AMN: variants seen among roughly 807,000 people sequenced by gnomAD.
AMN encodes protein amnionless.
In AMN, 40 loss-of-function variants were observed where a neutral mutation model predicts 49.1. That is an observed-to-expected ratio of 0.81 (90% CI 0.63 to 1.06). The LOEUF (loss-of-function observed/expected upper bound fraction) is 1.06. Among genes scored for constraint, AMN ranks in the 50% least tolerant of loss-of-function variants. The pLI, the probability that AMN is intolerant of heterozygous loss-of-function variation, is 0.00. For missense variants in AMN, 701 were observed against 662.8 expected (o/e 1.06, Z -0.63); for synonymous variants, 380 against 313.3 (o/e 1.21, Z -2.25).
chr14:102,929,482 C>G lies in AMN; in HGVS notation c.706C>G (p.Gln236Glu). 2.0e-6 allele frequency: 3 copies of G among 1,532,144 alleles called. No homozygotes were observed. Among genetic ancestry groups the G allele is most frequent in the South Asian group, 1.2e-5 (1 of 83,836 alleles). 94.9% of individuals were successfully genotyped at this position (1,532,144 alleles called of 1,614,324 possible). A position where few individuals can be genotyped will look rare whatever the true frequency, so the allele number is the denominator to read the frequency against. ...LLQPLGGRCP[Q>E]AACHSALRPQ... ...CCAGCCCCTGGGCGGCCGCTGCCCC[C>G]AGGCCGCCTGCCACAGCGCCCTCCG... Residue 236 changes from glutamine to glutamate, a missense_variant, in exon 7 of 12, where the codon CAG becomes GAG. Coordinates refer to ENST00000299155, the MANE Select transcript of AMN (RefSeq NM_030943.4).
chr14:102,929,396 C>A (rs1268669782), intron 6 of AMN, 32 bp from the exon 7 acceptor site: 2 of 1,526,802 alleles, frequency 1.3e-6, no homozygotes, highest in South Asian at 1.2e-5. Context: ...TCCGCTCTGG[C>A]CCTCCGCGCT....
chr14:102,923,632 A>G, intron 1 of AMN, 79 bp from the exon 2 acceptor site: 1 of 1,293,912 alleles, frequency 7.7e-7, no homozygotes, highest in South Asian at 1.2e-5. Flanking sequence ...GACCTTCCGC[A>G]CTTCTCTGGG....
chr14:102,929,406 T>C lies in AMN; in HGVS notation c.652-22T>C, dbSNP rs1447538355. 2.6e-6 allele frequency: 4 copies of C among 1,528,578 alleles called. No individual in the cohort carries two copies. The African/African-American group carries it at 5.5e-5, about 21-fold the overall frequency. 94.7% of individuals were successfully genotyped at this position (1,528,578 alleles called of 1,614,324 possible). A position where few individuals can be genotyped will look rare whatever the true frequency, so the allele number is the denominator to read the frequency against. On this transcript the variant is annotated intron_variant, in intron 6 of 11. Transcript: ENST00000299155. Reference sequence around the variant, plus strand: ...TGCGGTCCGCTCTGGCCCTCCGCGCTGACCACCGCCCCTCGCACCAGGCGC... The same window carrying C: ...TGCGGTCCGCTCTGGCCCTCCGCGCCGACCACCGCCCCTCGCACCAGGCGC...
In AMN at chr14:102,923,800, G is replaced by C; in HGVS notation, c.133G>C (p.Gly45Arg). 1 of 1,612,682 alleles carries C rather than the reference G, an allele frequency of 6.2e-7. No homozygotes were observed. The highest frequency in any genetic ancestry group is 8.5e-7 in the Non-Finnish European group (1 of 1,179,836). The part of the protein sequence containing the change: ...NWSQNRTPCA[G>R]GAVEFPADKM... Reference sequence around the variant, plus strand: ...GAGCCAGAACCGGACCCCGTGCGCCGGCGGCGCCGTTGAGTTCCCGGCGGA... The same window carrying C: ...GAGCCAGAACCGGACCCCGTGCGCCCGCGGCGCCGTTGAGTTCCCGGCGGA... The change falls in exon 2 of 12, where the codon GGC becomes CGC. Residue 45 changes from glycine (G) to arginine (R), a missense_variant. By Grantham distance (125) the Gly-to-Arg change is moderately radical. Transcript: ENST00000299155.
In AMN at chr14:102,930,274, G is replaced by C; in HGVS notation, c.1116G>C (p.Ala372=). Residue 372 remains alanine (A), a synonymous_variant, in exon 10 of 12, where the codon GCG becomes GCC. Coordinates refer to ENST00000299155, the MANE Select transcript of AMN (RefSeq NM_030943.4). ...AGGVAAAVLL[A]LLVLLVAPPL... is the part of the protein sequence containing the mutation. The stretch of plus-strand genomic sequence containing the variant: ...GCGTGGCGGCTGCCGTGCTGCTGGC[G>C]CTGCTGGTCCTGCTGGTGGCGCCGC... The C allele has an allele frequency of 1.4e-6, 2 of 1,381,938 alleles. No homozygotes were observed. The highest frequency in any genetic ancestry group is 1.9e-6 in the Non-Finnish European group (2 of 1,071,696). The allele number at this position is 1,381,938 out of a possible 1,614,324, so 85.6% of individuals were successfully genotyped here.
intron 10 of AMN, 35 bp from the exon 11 acceptor site, chr14:102,930,371 G>A: frequency 6.7e-7 from 1 of 1,482,668 alleles, no homozygotes; most frequent in East Asian, 2.7e-5. Context: ...GGGTTGCTCC[G>A]AGGGGCTCAC....
At chr14:102,923,571 G>C (rs1337872607) in intron 1 of AMN, 140 bp from the exon 2 acceptor site, 1 of 816,554 alleles carries the variant, frequency 1.2e-6, no homozygotes, top group Non-Finnish European at 2.1e-6. Flanking sequence ...CCAGGGTCTG[G>C]GTCCGGGCCC....
chr14:102,927,280 C>T (rs559092414), intron 3 of AMN, among the ~76,000 whole-genome samples: 27 of 152,318 alleles, frequency 1.8e-4, no homozygotes, highest in South Asian at 1.0e-3. Context: ...GAGATGGAGT[C>T]TCACTATGTT....
intron 3 of AMN, among the ~76,000 whole-genome samples, chr14:102,925,349 G>A (rs1891161574): frequency 6.6e-6 from 1 of 152,204 alleles, no homozygotes; most frequent in African/African-American, 2.4e-5. Context: ...CCACCCCAGG[G>A]CCGCTTGGTT....
chr14:102,927,637 C>A (rs1003572232), intron 3 of AMN, among the ~76,000 whole-genome samples: 1 of 152,160 alleles, frequency 6.6e-6, no homozygotes, highest in Non-Finnish European at 1.5e-5. Context: ...GGTGGGCGCG[C>A]CCTGCTGTGC....
rs573049315 is a variant in AMN, at chr14:102,925,624, C to T, written c.207+1645C>T. Among the ~76,000 whole-genome samples, 8 of 152,286 alleles carry T rather than the reference C, an allele frequency of 5.3e-5. No homozygotes were observed. In the South Asian group the frequency reaches 6.2e-4, roughly 12 times the overall value. On this transcript the variant is annotated intron_variant, in intron 3 of 11. Transcript: ENST00000299155. ...GCTGGGGGTTCCAGGGCATGGATTT[C>T]CCCCTACTCCCCTCCCCTGCCGGCC...
chr14:102,922,804 G>A, intron 1 of AMN, 73 bp downstream of exon 1: 2 of 1,523,876 alleles, frequency 1.3e-6, no homozygotes, highest in Non-Finnish European at 1.8e-6. Context: ...GGTCGCTCTA[G>A]GCCTGGAGGG....
chr14:102,929,334 C>T (rs1335037713), intron 6 of AMN, 76 bp downstream of exon 6: 23 of 1,487,938 alleles, frequency 1.5e-5, no homozygotes, highest in Non-Finnish European at 1.8e-6. Flanking sequence ...CGCTGCGCTC[C>T]CACGGTCTCT....
intron 3 of AMN, among the ~76,000 whole-genome samples, chr14:102,926,926 C>T (rs1284224487): frequency 6.6e-6 from 1 of 151,564 alleles, no homozygotes; most frequent in African/African-American, 2.4e-5. Context: ...GGGTCTCACT[C>T]TGTTGCCCAG....
chr14:102,924,350 C>A (rs1430494326), intron 3 of AMN, among the ~76,000 whole-genome samples: 1 of 151,868 alleles, frequency 6.6e-6, no homozygotes, highest in Admixed American at 6.6e-5. Flanking sequence ...CCCCAACACC[C>A]CCCCCTCTAC....
At chr14:102,930,534 G>C (rs2139313799) in intron 11 of AMN, 41 bp downstream of exon 11, 2 of 1,545,400 alleles carry the variant, frequency 1.3e-6, no homozygotes, top group Non-Finnish European at 1.7e-6. Flanking sequence ...CCTCGGGGCC[G>C]GGACTCGGCG....
intron 6 of AMN, 42 bp downstream of exon 6, chr14:102,929,300 T>A: frequency 1.4e-6 from 2 of 1,445,658 alleles, no homozygotes; most frequent in Non-Finnish European, 1.8e-6. Context: ...CGCGCGAGGG[T>A]CGGGACTGTG....
At chr14:102,927,996 TCCCCAGGAG>T (rs962614874) in intron 3 of AMN, among the ~76,000 whole-genome samples, 1 of 151,964 alleles carries the variant, frequency 6.6e-6, no homozygotes, top group African/African-American at 2.4e-5. Flanking sequence ...GGCCTCAGAC[TCCCCAGGAG>T]CCGGGCAACT....
intron 3 of AMN, among the ~76,000 whole-genome samples, chr14:102,926,689 C>T (rs1335453052): frequency 1.3e-5 from 2 of 149,382 alleles, no homozygotes; most frequent in Admixed American, 6.7e-5. Context: ...CGGGCTCAAG[C>T]GATTCTCCTG....
Sources: gnomAD v4.1 joint callset for allele counts (sites outside exome capture counted in the v4.1 genomes callset) on GRCh38, gnomAD v4.1.1 for gene constraint, MANE v1.5 for transcripts, NCBI Gene and HGNC (gene_info 2026-07-23, HGNC 2026-07-21) for gene names.